NBEA: variants seen among roughly 807,000 people sequenced by gnomAD.
NBEA encodes the protein neurobeachin.
In NBEA, 44 loss-of-function variants were observed where a neutral mutation model predicts 343.4. That is an observed-to-expected ratio of 0.13 (90% CI 0.10 to 0.16). NBEA has a LOEUF of 0.16. Among genes scored for constraint, NBEA ranks in the 10% least tolerant of loss-of-function variants. The pLI is 1.00. For synonymous variants in NBEA, 1,175 were observed against 1,238.7 expected, an observed-to-expected ratio of 0.95 and a Z score of 1.08; for missense variants, 2,555 against 3,631.3, an observed-to-expected ratio of 0.70 and a Z score of 7.62.
At chr13:35,142,026 A>G in intron 17 of NBEA, among the ~76,000 whole-genome samples, 1 of 152,210 alleles carries the variant, frequency 6.6e-6, no homozygotes, top group Non-Finnish European at 1.5e-5. Flanking sequence ...AATATTCCAT[A>G]ATTTGTACAT....
chr13:35,132,240 C>T (rs2067468608), intron 17 of NBEA, among the ~76,000 whole-genome samples: 1 of 152,138 alleles, frequency 6.6e-6, no homozygotes. Context: ...TCACTGAAAC[C>T]TCTGCTTCCC....
intron 38 of NBEA, among the ~76,000 whole-genome samples, chr13:35,401,189 T>C (rs1237195999): frequency 6.6e-6 from 1 of 152,010 alleles, no homozygotes; most frequent in Non-Finnish European, 1.5e-5. Context: ...AGCATGGTAG[T>C]TCACTCAAAA....
chr13:35,492,209 G>A (rs953263868), intron 41 of NBEA, among the ~76,000 whole-genome samples: 2 of 151,870 alleles, frequency 1.3e-5, no homozygotes, highest in Non-Finnish European at 2.9e-5. Context: ...GGGTCAGAAG[G>A]GAATGAGGGA....
At chr13:35,236,752 G>T (rs925360770) in intron 34 of NBEA, among the ~76,000 whole-genome samples, 1 of 150,618 alleles carries the variant, frequency 6.6e-6, no homozygotes, top group Admixed American at 6.6e-5. Context: ...CACCCCGCCC[G>T]GCCTAAACCC....
intron 34 of NBEA, among the ~76,000 whole-genome samples, chr13:35,250,688 G>A (rs2152787326): frequency 6.6e-6 from 1 of 152,208 alleles, no homozygotes; most frequent in African/African-American, 2.4e-5. Context: ...TTTTGCATGT[G>A]TACACAAGAA....
chr13:35,557,667 A>G (rs191246220), intron 44 of NBEA, among the ~76,000 whole-genome samples: 3 of 152,274 alleles, frequency 2.0e-5, no homozygotes, highest in Admixed American at 6.5e-5. Context: ...GCAATGGGAT[A>G]AAAATTAACA....
chr13:35,182,207 T>G (rs953551242), intron 28 of NBEA, among the ~76,000 whole-genome samples, 153 bp from the exon 29 acceptor site: 1 of 151,066 alleles, frequency 6.6e-6, no homozygotes, highest in Non-Finnish European at 1.5e-5. Flanking sequence ...TAAATAATAC[T>G]TATTAAATAA....
intron 38 of NBEA, among the ~76,000 whole-genome samples, chr13:35,380,787 T>A (rs1241587643): frequency 2.6e-5 from 4 of 152,198 alleles, no homozygotes; most frequent in Non-Finnish European, 5.9e-5. Context: ...CTTTCTGTAA[T>A]GACTGCGGTC....
intron 16 of NBEA, among the ~76,000 whole-genome samples, chr13:35,122,814 T>C (rs2066878059): frequency 6.6e-6 from 1 of 152,204 alleles, no homozygotes; most frequent in Non-Finnish European, 1.5e-5. Context: ...TAATCCTTCC[T>C]TCTGTATGTT....
intron 24 of NBEA, among the ~76,000 whole-genome samples, chr13:35,168,654 A>C: frequency 6.6e-6 from 1 of 151,564 alleles, no homozygotes; most frequent in East Asian, 1.9e-4. Flanking sequence ...TATTTATTAA[A>C]ATGTTCCATT....
At chr13:35,608,648 G>A (rs1221977076) in intron 48 of NBEA, among the ~76,000 whole-genome samples, 1 of 152,152 alleles carries the variant, frequency 6.6e-6, no homozygotes, top group African/African-American at 2.4e-5. Flanking sequence ...ATAGCTGTTA[G>A]CATATAGTCT....
intron 24 of NBEA, among the ~76,000 whole-genome samples, chr13:35,165,697 T>G (rs1018148081): frequency 1.3e-5 from 2 of 151,252 alleles, no homozygotes; most frequent in African/African-American, 4.9e-5. Context: ...TTCTTTTTTT[T>G]TTTTTTTGAC....
chr13:35,476,100 A>G, intron 41 of NBEA: 1 of 1,614,182 alleles, frequency 6.2e-7, no homozygotes, highest in South Asian at 1.1e-5. Flanking sequence ...TGTAGTATTT[A>G]TTCAGATGGT....
chr13:35,590,930 A>G (rs1201578637), intron 46 of NBEA, among the ~76,000 whole-genome samples: 1 of 152,072 alleles, frequency 6.6e-6, no homozygotes, highest in Non-Finnish European at 1.5e-5. Flanking sequence ...TTTGTTAAAC[A>G]TTGTTAGCCA....
At chr13:35,321,151 G>C (rs1015668414) in intron 36 of NBEA, among the ~76,000 whole-genome samples, 2 of 151,892 alleles carry the variant, frequency 1.3e-5, no homozygotes, top group African/African-American at 2.4e-5. Flanking sequence ...GAGGAGTTGT[G>C]ATCCTTTGGA....
At chr13:35,240,502 A>G (rs1018558545) in intron 34 of NBEA, among the ~76,000 whole-genome samples, 3 of 151,940 alleles carry the variant, frequency 2.0e-5, no homozygotes, top group Non-Finnish European at 4.4e-5. Context: ...ACCTGATTAA[A>G]TCTGTATATT....
chr13:35,416,047 G>A (rs2043886457), intron 38 of NBEA, among the ~76,000 whole-genome samples: 1 of 152,106 alleles, frequency 6.6e-6, no homozygotes, highest in African/African-American at 2.4e-5. Flanking sequence ...TTTGTTATTG[G>A]TGTATAGGAA....
At chr13:35,449,391 A>T (rs2046192325) in intron 39 of NBEA, among the ~76,000 whole-genome samples, 1 of 152,216 alleles carries the variant, frequency 6.6e-6, no homozygotes, top group Admixed American at 6.5e-5. Flanking sequence ...ATGCAGGATG[A>T]ATTCCTAGGT....
intron 36 of NBEA, among the ~76,000 whole-genome samples, chr13:35,312,405 G>T (rs1179383981): frequency 6.6e-6 from 1 of 152,130 alleles, no homozygotes; most frequent in South Asian, 2.1e-4. Flanking sequence ...GAGGACTAGC[G>T]GCAAGAGAAT....
Sources: gnomAD v4.1 joint callset for allele counts (sites outside exome capture counted in the v4.1 genomes callset) on GRCh38, gnomAD v4.1.1 for gene constraint, MANE v1.5 for transcripts, NCBI Gene and HGNC (gene_info 2026-07-23, HGNC 2026-07-21) for gene names.